RSF1: variants seen among roughly 807,000 people sequenced by gnomAD.
The protein encoded by RSF1 is HBV pX-associated protein 8.
RSF1 carries 13 observed loss-of-function variants against 145.2 expected under a neutral mutation model. The observed-to-expected ratio is 0.09, with a 90% CI of 0.06 to 0.14. RSF1 has a LOEUF of 0.14. RSF1 is among the 10% of genes least tolerant of loss of function. The pLI is 1.00. For missense variants in RSF1, 1,517 were observed against 1,718.2 expected, an observed-to-expected ratio of 0.88 and a Z score of 2.07; for synonymous variants, 577 against 592.6, an observed-to-expected ratio of 0.97 and a Z score of 0.38.
chr11:77,673,605 C>T (rs759440034), intron 14 of RSF1, among the ~76,000 whole-genome samples: 2 of 151,996 alleles, frequency 1.3e-5, no homozygotes, highest in Non-Finnish European at 2.9e-5. Context: ...TTCTTCCTTA[C>T]AGAACAACAA....
At chr11:77,800,417 G>A (rs1398880750) in intron 1 of RSF1, among the ~76,000 whole-genome samples, 4 of 151,868 alleles carry the variant, frequency 2.6e-5, no homozygotes, top group Non-Finnish European at 2.9e-5. Context: ...ATTTGAACCC[G>A]GGAGGCAGAG....
At chr11:77,684,786 G>A (rs1487020263) in intron 10 of RSF1, among the ~76,000 whole-genome samples, 1 of 152,046 alleles carries the variant, frequency 6.6e-6, no homozygotes, top group African/African-American at 2.4e-5. Flanking sequence ...TCAGGAGTTC[G>A]AGACCATCCT....
intron 7 of RSF1, among the ~76,000 whole-genome samples, chr11:77,697,144 G>A (rs1233161357): frequency 6.6e-6 from 1 of 152,012 alleles, no homozygotes; most frequent in Non-Finnish European, 1.5e-5. Context: ...CTGATAAGTA[G>A]GATCTGAATT....
At chr11:77,783,164 AAC>A (rs946501981) in intron 1 of RSF1, among the ~76,000 whole-genome samples, 2 of 152,214 alleles carry the variant, frequency 1.3e-5, no homozygotes, top group African/African-American at 4.8e-5. Context: ...ATACAACATG[AAC>A]ACTTTTTACC....
chr11:77,698,417 A>G, intron 7 of RSF1, 70 bp downstream of exon 7: 1 of 1,220,224 alleles, frequency 8.2e-7, no homozygotes, highest in Non-Finnish European at 1.2e-6. Context: ...AACCCAGAAG[A>G]GTTAGGCTGC....
In RSF1 at chr11:77,809,422, A is replaced by G. The variant is rs1590900508; in HGVS notation, c.187+11106T>C. 1.3e-5 allele frequency among the ~76,000 whole-genome samples: 2 copies of G among 152,312 alleles called. 1 individual carries two copies. Among genetic ancestry groups the G allele is most frequent in the South Asian group, 4.1e-4 (2 of 4,822 alleles). On this transcript the variant is annotated intron_variant, in intron 1 of 15. Transcript: ENST00000308488. ...AAAGATAAGAATGGAGAAGATAATT[A>G]AGGTTTAAAGGGGAAGTCCAAAATA...
At chr11:77,817,483 T>G (rs1185702260) in intron 1 of RSF1, among the ~76,000 whole-genome samples, 3 of 152,346 alleles carry the variant, frequency 2.0e-5, no homozygotes, top group East Asian at 3.9e-4. Context: ...GTAGCTCACC[T>G]GGCAACCAGC....
rs1157047869 is a variant in RSF1 at position 77,670,594 on chromosome 11, TTGG to T, written c.3751+1445_3751+1447del. 3.9e-5 allele frequency among the ~76,000 whole-genome samples: 6 copies of T among 152,326 alleles called. No individual in the cohort carries two copies. The East Asian group carries it at 1.2e-3, about 29-fold the overall frequency. On this transcript the variant is annotated intron_variant, in intron 15 of 15. Transcript: ENST00000308488. ...TTTGTTTGCTGTTATATTCCAGTGC[TTGG>T]AATAGGGCCTAGCTTAATAAATATT...
chr11:77,681,732 C>T lies in RSF1; in HGVS notation c.3065+1978G>A, dbSNP rs534688623. Among the ~76,000 whole-genome samples the T allele has an allele frequency of 9.8e-5, 15 of 152,340 alleles. 1 individual carries two copies. Among genetic ancestry groups the T allele is most frequent in the African/African-American group, 3.4e-4 (14 of 41,570 alleles). On this transcript the variant is annotated intron_variant, in intron 11 of 15. Transcript: ENST00000308488. The stretch of plus-strand genomic sequence containing the variant: ...CTATGTGTTATAATAAAACTATAGC[C>T]TTTTGCATCTGATGTTATACTTTTC...
At chr11:77,752,841 C>G (rs1948077971) in intron 2 of RSF1, among the ~76,000 whole-genome samples, 1 of 152,116 alleles carries the variant, frequency 6.6e-6, no homozygotes, top group South Asian at 2.1e-4. Context: ...AGATAAAGGT[C>G]ATAAAGACCT....
intron 5 of RSF1, among the ~76,000 whole-genome samples, chr11:77,713,971 G>C (rs1468131506): frequency 6.6e-6 from 1 of 152,094 alleles, no homozygotes; most frequent in Non-Finnish European, 1.5e-5. Flanking sequence ...TGTACAAGTA[G>C]ATTTCCTAAA....
chr11:77,683,819 C>T lies in RSF1; in HGVS notation c.2956G>A (p.Glu986Lys). The stretch of plus-strand genomic sequence containing the variant: ...TCTTGATCTTCAGAAAAGTCTGGCT[C>T]CTTAAAAAATATGATAATAAGCATA... ...ISIENIIPPQ[E>K]PDFSEDQEEK... The change falls in exon 11 of 16, where the codon GAG (glutamate) becomes AAG (lysine). Residue 986 changes from glutamate (E) to lysine (K), a missense_variant and splice_region_variant. Physicochemically the swap from Glu to Lys is moderately conservative, Grantham distance 56. Coordinates refer to ENST00000308488, the MANE Select transcript of RSF1 (RefSeq NM_016578.4). 3 of 1,605,596 alleles carry T rather than the reference C, an allele frequency of 1.9e-6. No individual in the cohort carries two copies. The highest frequency in any genetic ancestry group is 2.6e-6 in the Non-Finnish European group (3 of 1,175,716).
chr11:77,872,134 G>T, the RSF1 span: 1 of 1,592,038 alleles, frequency 6.3e-7, no homozygotes, highest in Non-Finnish European at 8.5e-7. Flanking sequence ...CCCCTGGGGG[G>T]CCTTTCCCCC....
At chr11:77,754,612 T>C (rs1948097609) in intron 2 of RSF1, among the ~76,000 whole-genome samples, 2 of 143,336 alleles carry the variant, frequency 1.4e-5, no homozygotes, top group African/African-American at 5.3e-5. Context: ...TGCAGGCCTG[T>C]AGTCCCAGCT....
chr11:77,861,415 AG>A, the RSF1 span, among the ~76,000 whole-genome samples: 2 of 152,206 alleles, frequency 1.3e-5, no homozygotes, highest in African/African-American at 4.8e-5. Context: ...AGTAAGACTG[AG>A]AAGGCCGCGC....
At chr11:77,805,576 T>C (rs1348251136) in intron 1 of RSF1, among the ~76,000 whole-genome samples, 3 of 152,184 alleles carry the variant, frequency 2.0e-5, no homozygotes, top group South Asian at 2.1e-4. Flanking sequence ...AGTACATAAA[T>C]AAGGCACTCT....
At chr11:77,763,982 C>T (rs1948201220) in intron 2 of RSF1, 3 of 152,062 alleles carry the variant, frequency 2.0e-5, no homozygotes, top group Admixed American at 1.3e-4. Context: ...ACTAGATGGC[C>T]CCATCTGGAA....
chr11:77,769,454 T>C (rs943864130), intron 1 of RSF1, among the ~76,000 whole-genome samples: 5 of 152,246 alleles, frequency 3.3e-5, no homozygotes, highest in African/African-American at 1.2e-4. Flanking sequence ...TGAACTGAAA[T>C]ATCCTCTACC....
At chr11:77,738,855 T>C (rs1961433207) in intron 4 of RSF1, 1 of 150,894 alleles carries the variant, frequency 6.6e-6, no homozygotes, top group Admixed American at 6.6e-5. Context: ...AATTTTTTTT[T>C]TTTATTTTAG....
Sources: gnomAD v4.1 joint callset for allele counts (sites outside exome capture counted in the v4.1 genomes callset) on GRCh38, gnomAD v4.1.1 for gene constraint, MANE v1.5 for transcripts, NCBI Gene and HGNC (gene_info 2026-07-23, HGNC 2026-07-21) for gene names.